The following DTWD2 variants were observed in gnomAD, a reference collection of about 807,000 sequenced individuals.
The protein encoded by DTWD2 is DTW motif tRNA-uridine aminocarboxypropyltransferase 2.
DTWD2 carries 39 observed loss-of-function variants against 31.8 expected under a neutral mutation model. That is an observed-to-expected ratio of 1.22 (90% CI 0.95 to 1.60). The LOEUF (loss-of-function observed/expected upper bound fraction) is 1.60, where lower values mean the gene tolerates loss of function less well. DTWD2 is among the 40% of genes most tolerant of loss of function. The pLI, the probability that DTWD2 is intolerant of heterozygous loss-of-function variation, is 0.00. For missense variants in DTWD2, 515 were observed against 381.5 expected, an observed-to-expected ratio of 1.35 and a Z score of -2.92; for synonymous variants, 180 against 142.8, an observed-to-expected ratio of 1.26 and a Z score of -1.86.
chr5:118,851,218 C>CAAAAAAAAA (rs35541408), intron 4 of DTWD2, among the ~76,000 whole-genome samples: 1 of 81,968 alleles, frequency 1.2e-5, no homozygotes. Context: ...GACCCTATCT[C>CAAAAAAAAA]AAAAAAAAAA....
intron 4 of DTWD2, among the ~76,000 whole-genome samples, chr5:118,893,865 C>T (rs1223755796): frequency 1.3e-5 from 2 of 152,106 alleles, no homozygotes; most frequent in Non-Finnish European, 2.9e-5. Flanking sequence ...TCTACAAGCA[C>T]AAAGAACTGA....
Position 118,840,790 on chromosome 5 carries a change from TG to T in DTWD2, c.*126del. On this transcript the variant is annotated 3_prime_UTR_variant, in exon 6 of 6. Transcript: ENST00000510708. Reference sequence around the variant, plus strand: ...GAATATTTGGTTTACTTCCTTCTTCTGGGTAAGATTAGTATGCAATTCTCCT... The same window carrying T: ...GAATATTTGGTTTACTTCCTTCTTCTGGTAAGATTAGTATGCAATTCTCCT... 1 of 936,312 alleles carries T rather than the reference TG, an allele frequency of 1.1e-6. No homozygotes were observed. 58.0% of individuals were successfully genotyped at this position (936,312 alleles called of 1,614,324 possible).
At chr5:118,905,401 A>G (rs893624543) in intron 4 of DTWD2, among the ~76,000 whole-genome samples, 1 of 152,120 alleles carries the variant, frequency 6.6e-6, no homozygotes, top group African/African-American at 2.4e-5. Flanking sequence ...AGCGTATAAC[A>G]TTCTGAGTAA....
intron 1 of DTWD2, among the ~76,000 whole-genome samples, chr5:118,947,109 G>A (rs116539965): frequency 0.012 from 1,802 of 152,304 alleles, 35 homozygotes; most frequent in African/African-American, 0.041. Flanking sequence ...GGTGGGACGG[G>A]GAGCAGCAGG....
At chr5:118,849,140 AG>A (rs1751939758) in intron 4 of DTWD2, among the ~76,000 whole-genome samples, 1 of 152,250 alleles carries the variant, frequency 6.6e-6, no homozygotes, top group Admixed American at 6.5e-5. Flanking sequence ...ACAAAGGGCT[AG>A]TATCCAGAAT....
chr5:118,935,062 T>C (rs775773888), intron 3 of DTWD2, among the ~76,000 whole-genome samples: 1 of 152,016 alleles, frequency 6.6e-6, no homozygotes, highest in Non-Finnish European at 1.5e-5. Flanking sequence ...AAAGGTCAAG[T>C]TGATCACCAG....
At position 118,838,086 on chromosome 5, in the gene DTWD2, CTT is replaced by C. The variant is rs1446165846; in HGVS notation, c.*2829_*2830del. On this transcript the variant is annotated 3_prime_UTR_variant, in exon 6 of 6. Coordinates refer to ENST00000510708, the MANE Select transcript of DTWD2 (RefSeq NM_173666.4). ...TATAATTCTCCTATTCCACATAAGT[CTT>C]ATAATCCAACCTGTAGAAAGTTGCC... 1.3e-5 allele frequency: 2 copies of C among 152,156 alleles called. No individual in the cohort carries two copies. The highest frequency in any genetic ancestry group is 2.9e-5 in the Non-Finnish European group (2 of 68,024). The allele number at this position is 152,156 out of a possible 1,614,324, so 9.4% of individuals were successfully genotyped here.
intron 2 of DTWD2, among the ~76,000 whole-genome samples, chr5:118,944,183 G>C (rs1268087542): frequency 1.3e-5 from 2 of 152,118 alleles, no homozygotes; most frequent in Non-Finnish European, 2.9e-5. Context: ...AAATGCCAAA[G>C]TTACTTCTAC....
intron 4 of DTWD2, among the ~76,000 whole-genome samples, chr5:118,925,942 C>A (rs1295139951): frequency 6.6e-6 from 1 of 151,316 alleles, no homozygotes; most frequent in African/African-American, 2.4e-5. Context: ...ATGAAAAAAA[C>A]ACATAAACAA....
At chr5:118,848,742 C>A (rs1751925723) in intron 4 of DTWD2, among the ~76,000 whole-genome samples, 2 of 152,184 alleles carry the variant, frequency 1.3e-5, no homozygotes, top group South Asian at 4.1e-4. Flanking sequence ...ACCATCTGAT[C>A]TTTGACAAAC....
chr5:118,857,299 C>T (rs775070790), intron 4 of DTWD2, among the ~76,000 whole-genome samples: 2 of 151,984 alleles, frequency 1.3e-5, no homozygotes, highest in Non-Finnish European at 2.9e-5. Context: ...TGTGTACATA[C>T]GTATACATAC....
At chr5:118,881,074 A>G (rs560342465) in intron 4 of DTWD2, among the ~76,000 whole-genome samples, 95 of 152,328 alleles carry the variant, frequency 6.2e-4, no homozygotes, top group African/African-American at 2.2e-3. Flanking sequence ...GCATTCTAAC[A>G]TACATCTATT....
intron 4 of DTWD2, among the ~76,000 whole-genome samples, chr5:118,903,142 A>C (rs1753253888): frequency 7.2e-6 from 1 of 138,392 alleles, no homozygotes; most frequent in African/African-American, 3.3e-5. Context: ...TTGTGCTAAA[A>C]TGGTAAAAAA....
chr5:118,902,054 ATG>A (rs1753222284), intron 4 of DTWD2, among the ~76,000 whole-genome samples: 1 of 152,208 alleles, frequency 6.6e-6, no homozygotes, highest in African/African-American at 2.4e-5. Flanking sequence ...TATTCTAATA[ATG>A]TGTCTATATA....
intron 1 of DTWD2, among the ~76,000 whole-genome samples, chr5:118,961,259 C>T (rs866904485): frequency 6.6e-6 from 1 of 152,042 alleles, no homozygotes; most frequent in East Asian, 1.9e-4. Flanking sequence ...AATCATCTCA[C>T]GTTCAGTTAA....
chr5:118,927,517 T>G (rs1358163663), intron 4 of DTWD2, among the ~76,000 whole-genome samples: 1 of 152,084 alleles, frequency 6.6e-6, no homozygotes, highest in Non-Finnish European at 1.5e-5. Flanking sequence ...TGTGTATGTG[T>G]GTGTGTCTAT....
At chr5:118,964,309 A>G (rs1445396719) in intron 1 of DTWD2, among the ~76,000 whole-genome samples, 1 of 152,120 alleles carries the variant, frequency 6.6e-6, no homozygotes, top group African/African-American at 2.4e-5. Context: ...TTGGTTCCAA[A>G]TTATACTTCA....
chr5:118,879,106 A>G (rs1229490404), intron 4 of DTWD2, among the ~76,000 whole-genome samples: 1 of 152,250 alleles, frequency 6.6e-6, no homozygotes, highest in Non-Finnish European at 1.5e-5. Flanking sequence ...AAAGTCAGAA[A>G]TATCATTTGA....
chr5:118,847,713 T>C (rs757428870), intron 5 of DTWD2, among the ~76,000 whole-genome samples: 4 of 151,950 alleles, frequency 2.6e-5, no homozygotes, highest in Admixed American at 6.6e-5. Context: ...AATGTTGCTA[T>C]AGAATGTTCT....
Sources: gnomAD v4.1 joint callset for allele counts (sites outside exome capture counted in the v4.1 genomes callset) on GRCh38, gnomAD v4.1.1 for gene constraint, MANE v1.5 for transcripts, NCBI Gene and HGNC (gene_info 2026-07-23, HGNC 2026-07-21) for gene names.